Variants in PHC2 observed in about 807,000 individuals in gnomAD.
The protein encoded by PHC2 is polyhomeotic-like protein 2.
In PHC2, 29 loss-of-function variants were observed where a neutral mutation model predicts 87.4. The ratio of observed to expected loss-of-function variants is 0.33; its 90% CI spans 0.25 to 0.45. The LOEUF (loss-of-function observed/expected upper bound fraction) is 0.45. Among genes scored for constraint, PHC2 ranks in the 20% least tolerant of loss-of-function variants. PHC2 has a pLI of 1.00. For missense variants in PHC2, 857 were observed against 1,136.7 expected (o/e 0.75, Z 3.54); for synonymous variants, 438 against 461.7 (o/e 0.95, Z 0.66).
In PHC2 at chr1:33,345,571, C is replaced by T. The variant is rs1242040302; in HGVS notation, c.1558+8830G>A. ...GGTCTTACAATGAATCTCAGAGCAA[C>T]GGTTTATGACTTAAATTATATGCTG... On this transcript the variant is annotated intron_variant, in intron 9 of 14. Transcript: ENST00000683057. 17 of 984,924 alleles carry T rather than the reference C, an allele frequency of 1.7e-5. No individual in the cohort carries two copies. In the South Asian group the frequency reaches 2.3e-4, roughly 14 times the overall value. The allele number at this position is 984,924 out of a possible 1,614,324, so 61.0% of individuals were successfully genotyped here.
At chr1:33,343,314 A>AAAAT (rs1553184335) in intron 9 of PHC2, among the ~76,000 whole-genome samples, 1 of 151,672 alleles carries the variant, frequency 6.6e-6, no homozygotes, top group Non-Finnish European at 1.5e-5. Context: ...TACAAAAAAA[A>AAAAT]AAATAAATAA....
chr1:33,353,059 C>A (rs1290271103), intron 9 of PHC2, among the ~76,000 whole-genome samples: 2 of 152,100 alleles, frequency 1.3e-5, no homozygotes, highest in Non-Finnish European at 2.9e-5. Flanking sequence ...AGACTAGTAG[C>A]TGTTTATATT....
chr1:33,333,039 C>G (rs573702757), intron 10 of PHC2, among the ~76,000 whole-genome samples: 7 of 152,256 alleles, frequency 4.6e-5, no homozygotes, highest in South Asian at 4.1e-4. Context: ...TAGGGCAATG[C>G]TGGGGGTGCT....
At chr1:33,356,249 T>TTA (rs60725677) in intron 7 of PHC2, among the ~76,000 whole-genome samples, 1,093 of 101,498 alleles carry the variant, frequency 0.011, 20 homozygotes, top group African/African-American at 0.031. Flanking sequence ...GTGAAAATTC[T>TTA]TATATATATA....
intron 1 of PHC2, among the ~76,000 whole-genome samples, chr1:33,386,617 C>G (rs1648767308): frequency 6.6e-6 from 1 of 152,100 alleles, no homozygotes; most frequent in African/African-American, 2.4e-5. Flanking sequence ...ACTGCTTGAG[C>G]ACAGGAGTTC....
intron 1 of PHC2, among the ~76,000 whole-genome samples, chr1:33,388,257 A>G (rs1648859152): frequency 6.6e-6 from 1 of 151,726 alleles, no homozygotes; most frequent in African/African-American, 2.4e-5. Context: ...GACCTGAGAC[A>G]GGTTACTTAA....
At chr1:33,341,057 C>T (rs1469382507) in intron 9 of PHC2, among the ~76,000 whole-genome samples, 1 of 152,048 alleles carries the variant, frequency 6.6e-6, no homozygotes, top group Non-Finnish European at 1.5e-5. Flanking sequence ...GTGATTTGCC[C>T]AAGGTCACAA....
At chr1:33,328,182 C>T (rs144521357) in intron 14 of PHC2, among the ~76,000 whole-genome samples, 24 of 152,216 alleles carry the variant, frequency 1.6e-4, no homozygotes, top group African/African-American at 5.8e-4. Flanking sequence ...GTAAGGCTTG[C>T]CTCTTACAGC....
Position 33,420,617 on chromosome 1 carries a change from C to CT in PHC2, c.-55+10358dup, listed in dbSNP as rs113431471. ...TGAACTCGGACAAGTTATTTCACCT[C>CT]TTTTTTTTTTCTTTTTTCTTTCCTT... On this transcript the variant is annotated intron_variant, in intron 1 of 14. Transcript: ENST00000683057. Among the ~76,000 whole-genome samples the CT allele has an allele frequency of 5.0e-3, 742 of 149,362 alleles. 11 individuals carry two copies. Among genetic ancestry groups the CT allele is most frequent in the African/African-American group, 0.016 (667 of 40,732 alleles).
intron 1 of PHC2, among the ~76,000 whole-genome samples, chr1:33,401,382 C>T (rs969709625): frequency 6.6e-6 from 1 of 151,986 alleles, no homozygotes; most frequent in African/African-American, 2.4e-5. Context: ...ATGCAAAAGA[C>T]CAAGAATAGG....
chr1:33,374,635 G>A (rs1436447797), intron 2 of PHC2, among the ~76,000 whole-genome samples: 1 of 152,164 alleles, frequency 6.6e-6, no homozygotes, highest in East Asian at 1.9e-4. Flanking sequence ...GTCACTGGGA[G>A]TAAACACTTC....
At chr1:33,395,828 C>T (rs1283069655) in intron 1 of PHC2, among the ~76,000 whole-genome samples, 1 of 152,050 alleles carries the variant, frequency 6.6e-6, no homozygotes, top group Non-Finnish European at 1.5e-5. Context: ...CTATAGGGTC[C>T]CTAAATCTCC....
intron 1 of PHC2, among the ~76,000 whole-genome samples, chr1:33,424,095 C>G (rs968091923): frequency 1.0e-5 from 1 of 98,140 alleles, no homozygotes; most frequent in Non-Finnish European, 2.2e-5. Context: ...GAGACTCCGT[C>G]TCAAAAAAAA....
Position 33,325,224 on chromosome 1 carries a change from GCCT to G in PHC2, c.2426-208_2426-206del, listed in dbSNP as rs1484252137. The stretch of plus-strand genomic sequence containing the variant: ...CTCACCCACAGCAGCCGCGATCTGG[GCCT>G]CCTCCTATGTTCCCCTGTTCAGACC... On this transcript the variant is annotated intron_variant, in intron 14 of 14. Coordinates refer to ENST00000683057, the MANE Select transcript of PHC2 (RefSeq NM_001385109.1). 5 of 558,038 alleles carry G rather than the reference GCCT, an allele frequency of 9.0e-6. No individual in the cohort carries two copies. In the East Asian group the frequency reaches 1.2e-4, roughly 13 times the overall value. The allele number at this position is 558,038 out of a possible 1,614,324, so 34.6% of individuals were successfully genotyped here.
chr1:33,414,177 T>A (rs1012644951), intron 1 of PHC2, among the ~76,000 whole-genome samples: 2 of 142,754 alleles, frequency 1.4e-5, no homozygotes, highest in Non-Finnish European at 3.0e-5. Flanking sequence ...TCTCTCTCTG[T>A]CACACACACA....
intron 14 of PHC2, 108 bp downstream of exon 14, chr1:33,328,762 G>C: frequency 1.8e-6 from 2 of 1,118,748 alleles, no homozygotes; most frequent in Non-Finnish European, 2.5e-6. Flanking sequence ...CCCAGTTCCT[G>C]AACCTGAGTC....
intron 1 of PHC2, among the ~76,000 whole-genome samples, chr1:33,380,226 T>G (rs1044837826): frequency 7.9e-5 from 12 of 152,216 alleles, no homozygotes; most frequent in African/African-American, 2.7e-4. Context: ...TCAGTACCAT[T>G]AACTACACTC....
At chr1:33,379,291 C>G (rs1648340675) in intron 1 of PHC2, among the ~76,000 whole-genome samples, 1 of 97,624 alleles carries the variant, frequency 1.0e-5, no homozygotes, top group Admixed American at 1.0e-4. Flanking sequence ...TCCCCGCCCA[C>G]CGCCCCCCTG....
rs80331744 is a variant in PHC2 at position 33,327,242 on chromosome 1, C to T, written c.2425+1628G>A. On this transcript the variant is annotated intron_variant, in intron 14 of 14. Transcript: ENST00000683057. ...GTTATCCTATGGCTGTCCCACTGTG[C>T]ATTGGGTTTGTGGAAGGGAGCAGAT... is the stretch of plus-strand genomic sequence containing the variant. Among the ~76,000 whole-genome samples, 811 of 152,242 alleles carry T rather than the reference C, an allele frequency of 5.3e-3. 10 individuals are homozygous for T. The highest frequency in any genetic ancestry group is 0.018 in the African/African-American group (765 of 41,522).
Sources: allele counts gnomAD v4.1 joint callset (sites outside exome capture counted in the v4.1 genomes callset), GRCh38; gene constraint gnomAD v4.1.1; transcripts MANE v1.5; gene names NCBI Gene and HGNC (gene_info 2026-07-23, HGNC 2026-07-21).